Variants in KALRN observed in about 807,000 individuals in gnomAD.
The protein encoded by KALRN is kalirin RhoGEF kinase, also known as kalirin.
In KALRN, 70 loss-of-function variants were observed where a neutral mutation model predicts 353.7. That is an observed-to-expected ratio of 0.20 (90% CI 0.16 to 0.24). The LOEUF (loss-of-function observed/expected upper bound fraction) is 0.24. KALRN is among the 10% of genes least tolerant of loss of function. The pLI, the probability that KALRN is intolerant of heterozygous loss-of-function variation, is 1.00. For synonymous variants in KALRN, 1,391 were observed against 1,434.8 expected, an observed-to-expected ratio of 0.97 and a Z score of 0.69; for missense variants, 2,791 against 3,756.7, an observed-to-expected ratio of 0.74 and a Z score of 6.72.
chr3:124,578,583 A>G (rs1255848438), intron 34 of KALRN, among the ~76,000 whole-genome samples: 1 of 152,188 alleles, frequency 6.6e-6, no homozygotes, highest in Non-Finnish European at 1.5e-5. Context: ...ATGACTTCAC[A>G]TTGAAATCCT....
intron 14 of KALRN, among the ~76,000 whole-genome samples, chr3:124,414,898 G>C (rs1042412556): frequency 1.6e-4 from 25 of 152,232 alleles, no homozygotes; most frequent in African/African-American, 6.0e-4. Context: ...TCCTGAGATT[G>C]TCAGGGGGAC....
rs775981309 is a variant in KALRN, at chr3:124,657,487, G to C, written c.5902G>C (p.Asp1968His). The part of the protein sequence containing the change: ...KRIEEKGVPE[D>H]MRGKDKIVFG... ...AATAGAAGAAAAGGGTGTCCCTGAG[G>C]ATATGCGAGGAAAGGACAAAATCGT... The change falls in exon 40 of 60, where the codon GAT (aspartate) becomes CAT (histidine). Residue 1968 changes from aspartate (D) to histidine (H), a missense_variant. Physicochemically the swap from Asp to His is moderately conservative, Grantham distance 81 (BLOSUM62 -1). This residue lies in a region of KALRN where 1,065 missense variants were observed against 1,156.4 expected (regional missense o/e 0.92). Transcript: ENST00000682506. 5.6e-6 allele frequency: 9 copies of C among 1,614,070 alleles called. No individual in the cohort carries two copies. The highest frequency in any genetic ancestry group is 6.8e-6 in the Non-Finnish European group (8 of 1,179,950).
Position 124,667,096 on chromosome 3 carries a change from G to T in KALRN, c.6616G>T (p.Val2206Phe), listed in dbSNP as rs759288506. 1 of 1,614,248 alleles carries T rather than the reference G, an allele frequency of 6.2e-7. No homozygotes were observed. The highest frequency in any genetic ancestry group is 8.5e-7 in the Non-Finnish European group (1 of 1,180,040). Residue 2206 changes from valine (V) to phenylalanine (F), a missense_variant, in exon 47 of 60, where the codon GTT becomes TTT. Coordinates refer to ENST00000682506, the MANE Select transcript of KALRN (RefSeq NM_001388419.1). ...LMNRETSERVVLQAANADIQQ... is the reference protein window; with the variant it reads ...LMNRETSERVFLQAANADIQQ... ...GAACAGAGAGACTTCTGAGAGGGTT[G>T]TTCTGCAAGCCGCCAACGCTGACAT...
At chr3:124,312,830 C>T (rs142248809) in intron 6 of KALRN, among the ~76,000 whole-genome samples, 11 of 152,332 alleles carry the variant, frequency 7.2e-5, no homozygotes, top group African/African-American at 2.2e-4. Context: ...ATTTTGCCCA[C>T]TAGAGTATAA....
chr3:124,318,859 G>A lies in KALRN; in HGVS notation c.1093-7121G>A, dbSNP rs771297643. On this transcript the variant is annotated intron_variant, in intron 6 of 59. Transcript: ENST00000682506. ...TCTCATTCTTCCTCTTTCTTTGAAC[G>A]TGTCGCTTGACTGATATCACACACA... is the stretch of plus-strand genomic sequence containing the variant. 3.9e-5 allele frequency among the ~76,000 whole-genome samples: 6 copies of A among 152,136 alleles called. No individual in the cohort carries two copies. In the South Asian group the frequency reaches 6.2e-4, roughly 16 times the overall value.
intron 6 of KALRN, among the ~76,000 whole-genome samples, chr3:124,315,982 A>G (rs1351255547): frequency 6.6e-6 from 1 of 152,144 alleles, no homozygotes; most frequent in African/African-American, 2.4e-5. Flanking sequence ...TACAGACATT[A>G]CAGGTGAGAC....
At chr3:124,263,223 C>G (rs1179580032) in intron 3 of KALRN, among the ~76,000 whole-genome samples, 2 of 152,210 alleles carry the variant, frequency 1.3e-5, no homozygotes, top group African/African-American at 4.8e-5. Flanking sequence ...GTCACTTCAT[C>G]TTGCCTTGAT....
chr3:124,042,953 A>C (rs72970952), intron 1 of KALRN, among the ~76,000 whole-genome samples: 23,994 of 152,196 alleles, frequency 0.16, 2,230 homozygotes, highest in East Asian at 0.47. Flanking sequence ...AGAGTGCCAA[A>C]GACAGAATTG....
At chr3:124,593,519 A>G (rs1416025922) in intron 34 of KALRN, among the ~76,000 whole-genome samples, 1 of 152,130 alleles carries the variant, frequency 6.6e-6, no homozygotes, top group African/African-American at 2.4e-5. Flanking sequence ...TGGAGGGAAA[A>G]GGTAGATTTC....
At chr3:124,170,122 A>G (rs903106574) in intron 1 of KALRN, among the ~76,000 whole-genome samples, 12 of 152,184 alleles carry the variant, frequency 7.9e-5, no homozygotes, top group Admixed American at 1.3e-4. Context: ...AAAACAAATA[A>G]GACGGGGACC....
intron 6 of KALRN, among the ~76,000 whole-genome samples, chr3:124,314,860 G>C (rs369745740): frequency 1.3e-5 from 2 of 152,092 alleles, no homozygotes; most frequent in East Asian, 3.9e-4. Context: ...TCACTATGTT[G>C]CCCAGGTTGG....
intron 29 of KALRN, 154 bp downstream of exon 29, chr3:124,488,469 G>A (rs2062797673): frequency 6.5e-6 from 4 of 614,342 alleles, no homozygotes; most frequent in Non-Finnish European, 8.8e-6. Context: ...TCATGTGAGA[G>A]GGGCTCCACA....
chr3:124,189,880 A>G (rs542933586), intron 1 of KALRN, among the ~76,000 whole-genome samples: 80 of 148,494 alleles, frequency 5.4e-4, no homozygotes, highest in Non-Finnish European at 8.5e-4. Context: ...CAGAGGTTGC[A>G]GTGAGCTAAG....
intron 33 of KALRN, among the ~76,000 whole-genome samples, chr3:124,514,365 C>T (rs2066299989): frequency 6.6e-6 from 1 of 152,128 alleles, no homozygotes; most frequent in Non-Finnish European, 1.5e-5. Flanking sequence ...AATTCCCCAC[C>T]CGATCTAATG....
chr3:124,274,410 T>C (rs1417163545), intron 5 of KALRN, among the ~76,000 whole-genome samples: 2 of 152,244 alleles, frequency 1.3e-5, no homozygotes, highest in African/African-American at 4.8e-5. Flanking sequence ...GGTGCATAAC[T>C]AGACTTAACT....
intron 34 of KALRN, among the ~76,000 whole-genome samples, chr3:124,610,326 C>T (rs546045508): frequency 1.3e-5 from 2 of 152,252 alleles, no homozygotes; most frequent in South Asian, 2.1e-4. Flanking sequence ...CATCCCACAC[C>T]GGGCCACAGA....
At chr3:124,130,814 C>T (rs1303219701) in intron 1 of KALRN, among the ~76,000 whole-genome samples, 1 of 152,152 alleles carries the variant, frequency 6.6e-6, no homozygotes, top group Non-Finnish European at 1.5e-5. Flanking sequence ...AAAGAGCGCA[C>T]TATTGGCACT....
At chr3:124,303,778 C>T (rs1384657240) in intron 6 of KALRN, among the ~76,000 whole-genome samples, 1 of 152,102 alleles carries the variant, frequency 6.6e-6, no homozygotes, top group Non-Finnish European at 1.5e-5. Context: ...TGCTTGATAG[C>T]TGTTTTAATC....
intron 1 of KALRN, among the ~76,000 whole-genome samples, chr3:124,034,244 G>A (rs1173706429): frequency 2.0e-5 from 3 of 152,166 alleles, no homozygotes; most frequent in African/African-American, 7.2e-5. Context: ...CCTCCTCGCC[G>A]TCGGGGGCCC....
Sources: allele counts gnomAD v4.1 joint callset (sites outside exome capture counted in the v4.1 genomes callset), GRCh38; gene constraint gnomAD v4.1.1; regional missense constraint gnomAD v4.1.1; transcripts MANE v1.5; gene names NCBI Gene and HGNC (gene_info 2026-07-23, HGNC 2026-07-21).